LTBP1: variants seen among roughly 807,000 people sequenced by gnomAD.
LTBP1 encodes the protein latent transforming growth factor beta binding protein 1.
In LTBP1, 129 loss-of-function variants were observed where a neutral mutation model predicts 207.6. The ratio of observed to expected loss-of-function variants is 0.62; its 90% CI spans 0.54 to 0.72. LTBP1 has a LOEUF of 0.72. Ranked by LOEUF, LTBP1 falls within the 30% of genes least tolerant of loss-of-function variation. The pLI is 0.00. For missense variants in LTBP1, 2,281 were observed against 2,217.2 expected, an observed-to-expected ratio of 1.03 and a Z score of -0.58; for synonymous variants, 963 against 833.7, an observed-to-expected ratio of 1.16 and a Z score of -2.67.
intron 3 of LTBP1, among the ~76,000 whole-genome samples, chr2:33,025,889 A>C (rs913362452): frequency 6.6e-6 from 1 of 152,198 alleles, no homozygotes; most frequent in African/African-American, 2.4e-5. Flanking sequence ...TAATAAAAAG[A>C]TGAAGTTTCT....
intron 3 of LTBP1, among the ~76,000 whole-genome samples, chr2:33,047,305 T>C (rs937908089): frequency 6.6e-6 from 1 of 152,262 alleles, no homozygotes; most frequent in Non-Finnish European, 1.5e-5. Flanking sequence ...GAGATTCTGG[T>C]ACGTTGTGTC....
At chr2:33,238,892 C>G (rs1046885283) in intron 9 of LTBP1, among the ~76,000 whole-genome samples, 3 of 152,146 alleles carry the variant, frequency 2.0e-5, no homozygotes, top group African/African-American at 7.2e-5. Flanking sequence ...CGCATCATTC[C>G]CATGTACTGA....
At chr2:33,014,020 G>T (rs931137228) in intron 2 of LTBP1, among the ~76,000 whole-genome samples, 1 of 152,136 alleles carries the variant, frequency 6.6e-6, no homozygotes, top group Non-Finnish European at 1.5e-5. Flanking sequence ...AGGAAAATAG[G>T]GTGGAAAGAA....
chr2:33,105,441 C>CTT lies in LTBP1; in HGVS notation c.864-5129_864-5128dup, dbSNP rs199792865. 3.5e-3 allele frequency among the ~76,000 whole-genome samples: 510 copies of CTT among 144,734 alleles called. 1 individual carries two copies. Among genetic ancestry groups the CTT allele is most frequent in the African/African-American group, 0.012 (466 of 39,566 alleles). 95.0% of individuals were successfully genotyped at this position (144,734 alleles called of 152,430 possible). ...ACTTCAAATCATATGTGATCTTCTGCTTTTTTTTTTTTTGAGACAGAGTCT... is the reference window on the plus strand; with the variant it reads ...ACTTCAAATCATATGTGATCTTCTGCTTTTTTTTTTTTTTTGAGACAGAGTCT... On this transcript the variant is annotated intron_variant, in intron 3 of 33. Coordinates refer to ENST00000404816, the MANE Select transcript of LTBP1 (RefSeq NM_206943.4).
chr2:33,002,480 G>C (rs778313785), intron 2 of LTBP1, among the ~76,000 whole-genome samples: 2 of 152,168 alleles, frequency 1.3e-5, no homozygotes, highest in African/African-American at 2.4e-5. Context: ...GCTAGGCATT[G>C]TCTGGGAGTA....
intron 5 of LTBP1, among the ~76,000 whole-genome samples, chr2:33,169,612 T>G (rs1010699026): frequency 6.6e-6 from 1 of 152,164 alleles, no homozygotes; most frequent in Non-Finnish European, 1.5e-5. Context: ...CCATAGAACA[T>G]ATAATAGAGA....
intron 2 of LTBP1, among the ~76,000 whole-genome samples, chr2:32,987,560 G>A (rs1015523017): frequency 9.2e-5 from 14 of 152,092 alleles, no homozygotes; most frequent in African/African-American, 3.1e-4. Context: ...GTGATCTTGG[G>A]CAATTATATT....
chr2:32,980,681 C>T (rs1406871463), intron 2 of LTBP1, among the ~76,000 whole-genome samples: 1 of 152,018 alleles, frequency 6.6e-6, no homozygotes, highest in Non-Finnish European at 1.5e-5. Flanking sequence ...GAGTTTTGTA[C>T]CTTCAGATGA....
chr2:33,358,060 A>G (rs1445073574), intron 26 of LTBP1, among the ~76,000 whole-genome samples: 1 of 152,190 alleles, frequency 6.6e-6, no homozygotes, highest in Non-Finnish European at 1.5e-5. Context: ...AAGATAGGGA[A>G]ATTGTAGCTT....
At chr2:33,116,931 T>C (rs1030909534) in intron 4 of LTBP1, among the ~76,000 whole-genome samples, 1 of 152,010 alleles carries the variant, frequency 6.6e-6, no homozygotes, top group Non-Finnish European at 1.5e-5. Flanking sequence ...CAGAAGAAAA[T>C]GTAATTCCCA....
At chr2:33,281,208 A>T (rs537526643) in intron 19 of LTBP1, among the ~76,000 whole-genome samples, 6 of 152,174 alleles carry the variant, frequency 3.9e-5, no homozygotes, top group Admixed American at 6.5e-5. Context: ...CATGCACTCA[A>T]ACATCTCACA....
At chr2:33,288,927 T>C (rs2093721992) in intron 19 of LTBP1, among the ~76,000 whole-genome samples, 1 of 151,814 alleles carries the variant, frequency 6.6e-6, no homozygotes, top group Non-Finnish European at 1.5e-5. Flanking sequence ...TTCATGTTAA[T>C]CTTGACAAAG....
chr2:33,160,241 A>G (rs1183515346), intron 5 of LTBP1, among the ~76,000 whole-genome samples: 4 of 152,220 alleles, frequency 2.6e-5, no homozygotes. Context: ...ACGATTATGG[A>G]CAATTTCCAT....
intron 5 of LTBP1, among the ~76,000 whole-genome samples, chr2:33,146,850 C>A (rs1285437902): frequency 6.6e-6 from 1 of 152,232 alleles, no homozygotes. Context: ...TCCCACCAGG[C>A]CCCTCCTGGG....
chr2:33,303,152 G>A (rs1445611303), intron 22 of LTBP1, among the ~76,000 whole-genome samples: 1 of 152,198 alleles, frequency 6.6e-6, no homozygotes, highest in Admixed American at 6.5e-5. Context: ...AGGGTTGGTG[G>A]TGTTGGAGGG....
At chr2:32,982,660 G>GGT (rs577615732) in intron 2 of LTBP1, among the ~76,000 whole-genome samples, 61 of 152,308 alleles carry the variant, frequency 4.0e-4, no homozygotes, top group African/African-American at 1.4e-3. Context: ...TTGGTGCCTT[G>GGT]AGCTCCAGTG....
chr2:32,951,554 G>A (rs1232048246), intron 2 of LTBP1, among the ~76,000 whole-genome samples: 4 of 152,162 alleles, frequency 2.6e-5, no homozygotes, highest in Non-Finnish European at 5.9e-5. Flanking sequence ...AAGACCCCCG[G>A]CTTTGGGGTC....
chr2:33,148,261 AATTT>A (rs1359572161), intron 5 of LTBP1, among the ~76,000 whole-genome samples: 1 of 152,214 alleles, frequency 6.6e-6, no homozygotes, highest in Non-Finnish European at 1.5e-5. Context: ...TACCATCTTT[AATTT>A]GAGACAAGAG....
chr2:33,261,504 T>C (rs957655403), intron 13 of LTBP1, among the ~76,000 whole-genome samples: 1 of 152,154 alleles, frequency 6.6e-6, no homozygotes, highest in Admixed American at 6.5e-5. Context: ...TACAATAAAC[T>C]GAAAATGAGA....
Sources: allele counts gnomAD v4.1 joint callset (sites outside exome capture counted in the v4.1 genomes callset), GRCh38; gene constraint gnomAD v4.1.1; transcripts MANE v1.5; gene names NCBI Gene and HGNC (gene_info 2026-07-23, HGNC 2026-07-21).